The following RASA2 variants were observed in gnomAD, a reference collection of about 807,000 sequenced individuals.
RASA2 encodes the protein ras GTPase-activating protein 2.
RASA2 carries 155 observed loss-of-function variants against 118.2 expected under a neutral mutation model. The ratio of observed to expected loss-of-function variants is 1.31; its 90% confidence interval spans 1.15 to 1.50. RASA2 has a LOEUF of 1.50. RASA2 is among the 40% of genes most tolerant of loss of function. RASA2 has a pLI of 0.00. For synonymous variants in RASA2, 353 were observed against 349.1 expected (o/e 1.01, Z -0.12); for missense variants, 1,016 against 1,009.6 (o/e 1.01, Z -0.09).
chr3:141,600,474 C>T (rs1390167933), intron 19 of RASA2: 2 of 335,374 alleles, frequency 6.0e-6, no homozygotes, highest in Non-Finnish European at 1.2e-5. Context: ...TATTAGACAG[C>T]TCGGCGACCT....
intron 2 of RASA2, 59 bp from the exon 3 acceptor site, chr3:141,516,269 A>G: frequency 9.2e-7 from 1 of 1,091,348 alleles, no homozygotes; most frequent in Non-Finnish European, 1.2e-6. Context: ...ATTGAAAGTG[A>G]TATTAATTAT....
intron 3 of RASA2, among the ~76,000 whole-genome samples, chr3:141,523,233 A>G (rs549889602): frequency 6.2e-4 from 95 of 152,014 alleles, no homozygotes; most frequent in Non-Finnish European, 1.0e-3. Context: ...GTTTTAAGCA[A>G]TTCTGCCTCA....
chr3:141,554,916 A>G (rs1305019390), intron 6 of RASA2, among the ~76,000 whole-genome samples: 1 of 152,102 alleles, frequency 6.6e-6, no homozygotes, highest in African/African-American at 2.4e-5. Flanking sequence ...TCTACCTGAC[A>G]AATTATTTGG....
intron 3 of RASA2, among the ~76,000 whole-genome samples, chr3:141,521,235 T>G (rs1007735879): frequency 6.6e-5 from 10 of 152,146 alleles, no homozygotes; most frequent in Non-Finnish European, 1.2e-4. Context: ...TGAACGAAAT[T>G]ACCTGGGAGT....
intron 1 of RASA2, among the ~76,000 whole-genome samples, chr3:141,506,185 T>G (rs953794280): frequency 3.3e-5 from 5 of 152,230 alleles, no homozygotes; most frequent in African/African-American, 1.2e-4. Context: ...ATAAAATAAA[T>G]TGTGCTTGAA....
At chr3:141,563,283 CAT>C (rs150622856) in intron 9 of RASA2, among the ~76,000 whole-genome samples, 1 of 151,774 alleles carries the variant, frequency 6.6e-6, no homozygotes, top group African/African-American at 2.4e-5. Flanking sequence ...CAAAAACTGA[CAT>C]ATATATATAT....
Position 141,586,019 on chromosome 3 carries a change from A to G in RASA2, c.1753-6A>G. 6.2e-7 allele frequency: 1 copy of G among 1,603,960 alleles called. No individual in the cohort carries two copies. Among genetic ancestry groups the G allele is most frequent in the Non-Finnish European group, 8.5e-7 (1 of 1,171,368 alleles). On this transcript the variant is annotated splice_polypyrimidine_tract_variant and splice_region_variant and intron_variant, in intron 17 of 23. Coordinates refer to ENST00000286364, the MANE Select transcript of RASA2 (RefSeq NM_006506.5). Reference sequence around the variant, plus strand: ...CAGTGTAATATTTGCCCATTTCCCCATTTAGTTCTTGGATGAAATTTCATC... The same window carrying G: ...CAGTGTAATATTTGCCCATTTCCCCGTTTAGTTCTTGGATGAAATTTCATC...
At chr3:141,596,039 A>G (rs1177371223) in intron 19 of RASA2, among the ~76,000 whole-genome samples, 1 of 152,240 alleles carries the variant, frequency 6.6e-6, no homozygotes, top group Non-Finnish European at 1.5e-5. Context: ...ATTTACATTT[A>G]TGGGACACTA....
intron 1 of RASA2, among the ~76,000 whole-genome samples, chr3:141,490,459 G>A (rs2151065740): frequency 6.6e-6 from 1 of 151,770 alleles, no homozygotes; most frequent in South Asian, 2.1e-4. Context: ...CACTTGTTAA[G>A]TTTCCTCTTA....
In RASA2 at chr3:141,529,735, T is replaced by C; in HGVS notation, c.383T>C (p.Leu128Ser). ...IGKVAIKKED[L>S]CNHSGKETWF... ...AAAGTAGCCATCAAAAAAGAAGACT[T>C]GTGTAATCACAGTGGCAAAGAAACT... The change falls in exon 4 of 24, where the codon TTG becomes TCG. Residue 128 changes from leucine (L) to serine (S), a missense_variant. By Grantham distance (145) the Leu-to-Ser change is moderately radical. Coordinates refer to ENST00000286364, the MANE Select transcript of RASA2 (RefSeq NM_006506.5). 1 of 1,611,926 alleles carries C rather than the reference T, an allele frequency of 6.2e-7. No homozygotes were observed. Among genetic ancestry groups the C allele is most frequent in the Non-Finnish European group, 8.5e-7 (1 of 1,178,520 alleles).
intron 19 of RASA2, among the ~76,000 whole-genome samples, chr3:141,589,486 A>C (rs574460810): frequency 6.6e-6 from 1 of 152,262 alleles, no homozygotes; most frequent in African/African-American, 2.4e-5. Flanking sequence ...ATAGACACAA[A>C]ATTTTGCATA....
chr3:141,487,669 C>T (rs1216203126), intron 1 of RASA2, among the ~76,000 whole-genome samples: 1 of 151,842 alleles, frequency 6.6e-6, no homozygotes, highest in Non-Finnish European at 1.5e-5. Flanking sequence ...GAGGCGCGGC[C>T]CGAGGAGGTG....
chr3:141,577,420 T>TC (rs1299265753), intron 15 of RASA2, among the ~76,000 whole-genome samples: 1 of 152,174 alleles, frequency 6.6e-6, no homozygotes, highest in Non-Finnish European at 1.5e-5. Context: ...AAGTTTTTTT[T>TC]CATTAGTTAC....
In RASA2 at chr3:141,580,084, AAATATAT is replaced by A. The variant is rs1256576658; in HGVS notation, c.1591-282_1591-276del. On this transcript the variant is annotated intron_variant, in intron 15 of 23. Transcript: ENST00000286364. Reference sequence around the variant, plus strand: ...AAAAAAAAAAGAAAAAAAAAAAAAAAAATATATATATATATATATATATATATATATA... The same window carrying A: ...AAAAAAAAAAGAAAAAAAAAAAAAAAATATATATATATATATATATATATA... Among the ~76,000 whole-genome samples the A allele has an allele frequency of 2.1e-3, 187 of 88,890 alleles. 3 individuals are homozygous for A. The highest frequency in any genetic ancestry group is 7.7e-3 in the African/African-American group (153 of 19,750). The allele number at this position is 88,890 out of a possible 152,430, so 58.3% of individuals were successfully genotyped here.
At chr3:141,498,044 GTA>G (rs926003760) in intron 1 of RASA2, among the ~76,000 whole-genome samples, 3 of 152,118 alleles carry the variant, frequency 2.0e-5, no homozygotes, top group Non-Finnish European at 2.9e-5. Flanking sequence ...TGTGTGAGTG[GTA>G]CAGAATTTTA....
intron 10 of RASA2, 109 bp downstream of exon 10, chr3:141,571,177 A>C: frequency 8.2e-7 from 1 of 1,213,028 alleles, no homozygotes; most frequent in Non-Finnish European, 1.1e-6. Context: ...AACAGTAAAA[A>C]TTATATACAT....
rs1295132459 is a variant in RASA2, at chr3:141,607,694, C to T, written c.1950C>T (p.Tyr650=). 1.9e-6 allele frequency: 3 copies of T among 1,595,784 alleles called. No individual in the cohort carries two copies. The highest frequency in any genetic ancestry group is 2.6e-6 in the Non-Finnish European group (3 of 1,173,560). ...ATTATTTAGGCAAAGATGCAATCTA[C>T]ACAATCCCAGTAAAAAACATTCTTG... The part of the protein sequence containing the change: ...YHKQPGKDAI[Y]TIPVKNILAV... Residue 650 remains tyrosine (Y), a synonymous_variant, in exon 20 of 24, where the codon TAC becomes TAT. Transcript: ENST00000286364.
At chr3:141,496,464 A>G (rs1367489437) in intron 1 of RASA2, among the ~76,000 whole-genome samples, 1 of 152,218 alleles carries the variant, frequency 6.6e-6, no homozygotes, top group Non-Finnish European at 1.5e-5. Context: ...ACTCAAACAA[A>G]TTTACAAGAA....
intron 4 of RASA2, among the ~76,000 whole-genome samples, chr3:141,536,485 C>T (rs530457115): frequency 9.2e-5 from 14 of 152,056 alleles, no homozygotes; most frequent in Non-Finnish European, 1.8e-4. Flanking sequence ...TCAGAATGCC[C>T]CTTAATATAA....
Sources: allele counts gnomAD v4.1 joint callset (sites outside exome capture counted in the v4.1 genomes callset), GRCh38; gene constraint gnomAD v4.1.1; transcripts MANE v1.5; gene names NCBI Gene and HGNC (gene_info 2026-07-23, HGNC 2026-07-21).